The following CPM variants were observed in gnomAD, a reference collection of about 807,000 sequenced individuals.
The protein encoded by CPM is carboxypeptidase M.
A neutral mutation model predicts 46.4 loss-of-function variants in CPM; 35 were observed. That is an observed-to-expected ratio of 0.75 (90% CI 0.58 to 1.00). CPM has a LOEUF of 1.00. Ranked by LOEUF, CPM falls within the 50% of genes least tolerant of loss-of-function variation. The pLI is 0.00. For synonymous variants in CPM, 195 were observed against 195.3 expected (o/e 1.00, Z 0.01); for missense variants, 422 against 530.4 (o/e 0.80, Z 2.01).
At chr12:68,867,102 A>C in intron 6 of CPM, 54 bp from the exon 7 acceptor site, 2 of 1,568,720 alleles carry the variant, frequency 1.3e-6, no homozygotes, top group South Asian at 2.2e-5. Flanking sequence ...AGTGGAGCCA[A>C]GTATCACGTG....
At chr12:68,949,111 C>A (rs1888894592) in intron 1 of CPM, among the ~76,000 whole-genome samples, 1 of 152,184 alleles carries the variant, frequency 6.6e-6, no homozygotes, top group African/African-American at 2.4e-5. Flanking sequence ...GGGCTCACAC[C>A]TGTAATCCTA....
Position 68,919,135 on chromosome 12 carries a change from C to T in CPM, c.160+13543G>A, listed in dbSNP as rs1887933026. The stretch of plus-strand genomic sequence containing the variant: ...GGCTATAAGATCTAGCTGACTGTCA[C>T]CTTTCAGATCTCCACTTTAACCTAC... On this transcript the variant is annotated intron_variant, in intron 2 of 8. Transcript: ENST00000551568. 2.0e-5 allele frequency among the ~76,000 whole-genome samples: 3 copies of T among 152,332 alleles called. No homozygotes were observed. The South Asian group carries it at 6.2e-4, about 32-fold the overall frequency.
intron 1 of CPM, among the ~76,000 whole-genome samples, chr12:68,948,403 A>G (rs1195596698): frequency 1.3e-5 from 2 of 152,118 alleles, no homozygotes. Context: ...TGAAAAAGTA[A>G]CCCCAAAATA....
chr12:68,934,615 A>G (rs1443646081), upstream of CPM, among the ~76,000 whole-genome samples: 1 of 152,036 alleles, frequency 6.6e-6, no homozygotes. Context: ...CGTGGTGTAT[A>G]TGTGCCACAG....
At chr12:68,915,061 T>C (rs973797932) in intron 2 of CPM, among the ~76,000 whole-genome samples, 1 of 152,206 alleles carries the variant, frequency 6.6e-6, no homozygotes, top group Non-Finnish European at 1.5e-5. Context: ...TGTGTTTTTT[T>C]CTTCTTTTTT....
intron 2 of CPM, among the ~76,000 whole-genome samples, chr12:68,893,345 T>G (rs1454807149): frequency 6.6e-6 from 1 of 152,086 alleles, no homozygotes; most frequent in Non-Finnish European, 1.5e-5. Context: ...GTTTCTGAAC[T>G]CGCAAAGCTG....
intron 2 of CPM, among the ~76,000 whole-genome samples, chr12:68,909,886 G>A (rs535137093): frequency 6.6e-6 from 1 of 151,806 alleles, no homozygotes; most frequent in South Asian, 2.1e-4. Context: ...ACCTAATGTA[G>A]GTGACGGGTT....
chr12:68,872,015 T>C, intron 3 of CPM, 59 bp from the exon 4 acceptor site: 1 of 1,570,166 alleles, frequency 6.4e-7, no homozygotes, highest in Admixed American at 1.7e-5. Context: ...AGGAAAGCAC[T>C]CCCTACGGTA....
upstream of CPM, among the ~76,000 whole-genome samples, chr12:68,933,582 C>G (rs1888606576): frequency 6.6e-6 from 1 of 152,006 alleles, no homozygotes; most frequent in Non-Finnish European, 1.5e-5. Context: ...TTGGCGGTGC[C>G]GGGGCCCACC....
In CPM at chr12:68,900,931, G is replaced by A. The variant is rs914582833; in HGVS notation, c.161-15042C>T. Among the ~76,000 whole-genome samples the A allele has an allele frequency of 1.3e-4, 20 of 152,178 alleles. No individual in the cohort carries two copies. In the East Asian group the frequency reaches 3.9e-3, roughly 29 times the overall value. ...TTAGGGCAGTGAAACTCCTCTGTAT[G>A]ATACTACAATGTCATTATACATTTG... On this transcript the variant is annotated intron_variant, in intron 2 of 8. Transcript: ENST00000551568.
At chr12:68,960,473 C>T (rs1424015501) in intron 1 of CPM, among the ~76,000 whole-genome samples, 1 of 152,156 alleles carries the variant, frequency 6.6e-6, no homozygotes, top group Non-Finnish European at 1.5e-5. Context: ...TATTGCAGTG[C>T]TCTACAGCAA....
At chr12:68,885,618 C>T (rs1886392876) in intron 3 of CPM, among the ~76,000 whole-genome samples, 174 bp downstream of exon 3, 1 of 152,176 alleles carries the variant, frequency 6.6e-6, no homozygotes, top group Non-Finnish European at 1.5e-5. Flanking sequence ...TTGTTGGACC[C>T]TGATTCCTTA....
chr12:68,963,048 T>C (rs562660506), intron 1 of CPM: 29 of 152,818 alleles, frequency 1.9e-4, no homozygotes, highest in African/African-American at 7.0e-4. Flanking sequence ...CTTGAGGCTG[T>C]GTCATGGGTG....
chr12:68,916,091 G>T (rs1887792707), intron 2 of CPM, among the ~76,000 whole-genome samples: 1 of 152,112 alleles, frequency 6.6e-6, no homozygotes, highest in African/African-American at 2.4e-5. Flanking sequence ...TCCTGCTCAC[G>T]CACACAGCTG....
intron 2 of CPM, among the ~76,000 whole-genome samples, chr12:68,915,247 C>G (rs1207757853): frequency 6.6e-6 from 1 of 152,194 alleles, no homozygotes; most frequent in Admixed American, 6.5e-5. Flanking sequence ...TGACAAAAGC[C>G]TTCTAAAACT....
Position 68,859,063 on chromosome 12 carries a change from C to A in CPM, c.949G>T (p.Gly317Cys), listed in dbSNP as rs772879813. The part of the protein sequence containing the change: ...YIKQVHLGVK[G>C]QVFDQNGNPL... The stretch of plus-strand genomic sequence containing the variant: ...TTTCCATTCTGATCAAAAACTTGAC[C>A]CTTTACACCTGCAAGACAAAAATAA... The change falls in exon 8 of 9, where the codon GGT (glycine) becomes TGT (cysteine). Residue 317 changes from glycine to cysteine, a missense_variant. By Grantham distance (159) the Gly-to-Cys change is radical (BLOSUM62 -3). Coordinates refer to ENST00000551568, the MANE Select transcript of CPM (RefSeq NM_198320.5). The A allele has an allele frequency of 8.7e-6, 13 of 1,488,986 alleles. No homozygotes were observed. The highest frequency in any genetic ancestry group is 1.4e-5 in the African/African-American group (1 of 69,780). 92.2% of individuals were successfully genotyped at this position (1,488,986 alleles called of 1,614,324 possible).
chr12:68,931,979 T>A (rs1263797109), intron 2 of CPM, among the ~76,000 whole-genome samples: 1 of 152,116 alleles, frequency 6.6e-6, no homozygotes, highest in East Asian at 1.9e-4. Context: ...TAATGATAAA[T>A]ATGAAAATGC....
At chr12:68,889,150 A>G (rs1886551681) in intron 2 of CPM, among the ~76,000 whole-genome samples, 1 of 152,132 alleles carries the variant, frequency 6.6e-6, no homozygotes, top group African/African-American at 2.4e-5. Flanking sequence ...TAAAGTTTGA[A>G]AGTTGCTGAG....
At chr12:68,937,059 G>A (rs1180378564), upstream of CPM, among the ~76,000 whole-genome samples, 1 of 152,172 alleles carries the variant, frequency 6.6e-6, no homozygotes, top group Middle Eastern at 3.2e-3. Context: ...AAGTAGACAG[G>A]ATCTCAGGAA....
Sources: gnomAD v4.1 joint callset for allele counts (sites outside exome capture counted in the v4.1 genomes callset) on GRCh38, gnomAD v4.1.1 for gene constraint, MANE v1.5 for transcripts, NCBI Gene and HGNC (gene_info 2026-07-23, HGNC 2026-07-21) for gene names.